The following A4GALT variants were observed in gnomAD, a reference collection of about 807,000 sequenced individuals.
The protein encoded by A4GALT is lactosylceramide 4-alpha-galactosyltransferase.
For missense variants in A4GALT, 512 were observed against 486.0 expected (o/e 1.05, Z -0.50); for synonymous variants, 257 against 220.7 (o/e 1.16, Z -1.46).
At position 42,693,412 on chromosome 22, in the gene A4GALT, G is replaced by C; in HGVS notation, c.540C>G (p.Ile180Met). ...TGCCGCCGAACTTCCACATGAGTGC[G>C]ATCCTGGAGGCGTCGGAGAGCACGG... ...LLPVLSDASR[I>M]ALMWKFGGIY... is the part of the protein sequence containing the mutation. Residue 180 changes from isoleucine (I) to methionine (M), a missense_variant, in exon 3 of 3, where the codon ATC becomes ATG. By Grantham distance (10) the Ile-to-Met change is conservative. Transcript: ENST00000642412. The C allele has an allele frequency of 3.1e-6, 5 of 1,613,372 alleles. No individual in the cohort carries two copies. In the African/African-American group the frequency reaches 6.7e-5, roughly 21 times the overall value.
At chr22:42,716,481 T>C (rs1033215074) in intron 1 of A4GALT, among the ~76,000 whole-genome samples, 1 of 152,168 alleles carries the variant, frequency 6.6e-6, no homozygotes, top group Non-Finnish European at 1.5e-5. Context: ...TGCTTTGACT[T>C]GTTCAATCCC....
chr22:42,698,911 C>T (rs1931117462), intron 1 of A4GALT, among the ~76,000 whole-genome samples: 1 of 151,598 alleles, frequency 6.6e-6, no homozygotes, highest in Non-Finnish European at 1.5e-5. Context: ...TACACTCCCA[C>T]CAGCACCGTG....
chr22:42,714,669 G>A (rs1006502374), intron 1 of A4GALT, among the ~76,000 whole-genome samples: 1 of 152,048 alleles, frequency 6.6e-6, no homozygotes, highest in African/African-American at 2.4e-5. Flanking sequence ...CTAGCCACTC[G>A]GGAGGCTGAG....
At chr22:42,717,421 T>TC (rs1191235404) in intron 1 of A4GALT, among the ~76,000 whole-genome samples, 1 of 151,918 alleles carries the variant, frequency 6.6e-6, no homozygotes, top group Non-Finnish European at 1.5e-5. Context: ...ACTGGGGCCC[T>TC]CCCCTCCGCT....
intron 1 of A4GALT, among the ~76,000 whole-genome samples, chr22:42,699,382 G>A (rs1415648465): frequency 6.6e-6 from 1 of 152,174 alleles, no homozygotes; most frequent in Non-Finnish European, 1.5e-5. Flanking sequence ...ACTGCGCCCG[G>A]CTCCTTTACA....
chr22:42,698,644 C>T (rs926995090), intron 1 of A4GALT, among the ~76,000 whole-genome samples: 6 of 152,152 alleles, frequency 3.9e-5, no homozygotes, highest in Admixed American at 6.6e-5. Context: ...ACAGAGGCCC[C>T]GAGAGGCAAA....
At chr22:42,707,371 C>T (rs1921239792) in intron 1 of A4GALT, among the ~76,000 whole-genome samples, 1 of 151,960 alleles carries the variant, frequency 6.6e-6, no homozygotes. Flanking sequence ...AATAAAAACA[C>T]CAGGCTGGGC....
Position 42,693,332 on chromosome 22 carries a change from A to C in A4GALT, c.620T>G (p.Val207Gly), listed in dbSNP as rs779713387. The C allele has an allele frequency of 1.4e-4, 224 of 1,613,080 alleles. No individual in the cohort carries two copies. The highest frequency in any genetic ancestry group is 1.8e-4 in the Non-Finnish European group (213 of 1,180,002). ...GACGTAGCGGGACTGGGTGCCCAGC[A>C]CGTTGGTCAGGTTCCGCAGGTTCTT... is the stretch of plus-strand genomic sequence containing the variant. ...VLKNLRNLTN[V>G]LGTQSRYVLN... is the part of the protein sequence containing the mutation. Residue 207 changes from valine to glycine, a missense_variant, in exon 3 of 3, where the codon GTG (valine) becomes GGG (glycine). Physicochemically the swap from Val to Gly is moderately radical, Grantham distance 109. Transcript: ENST00000642412.
chr22:42,700,149 C>T (rs565516929), intron 1 of A4GALT, among the ~76,000 whole-genome samples: 94 of 152,252 alleles, frequency 6.2e-4, no homozygotes, highest in Non-Finnish European at 1.1e-3. Flanking sequence ...CCAGATGGGG[C>T]CACCGCGCCC....
chr22:42,696,865 C>T (rs1930972434), intron 1 of A4GALT, among the ~76,000 whole-genome samples: 1 of 151,406 alleles, frequency 6.6e-6, no homozygotes, highest in Non-Finnish European at 1.5e-5. Flanking sequence ...AGGGCCTTGG[C>T]ACCTGCTGTT....
chr22:42,699,888 G>T lies in A4GALT; in HGVS notation c.-187-4257C>A, dbSNP rs550691884. Reference sequence around the variant, plus strand: ...AGCAGATGGCCCCCAGTGTGGGTGGGCCCCCAACCCTGAGTAGAAGGAAAG... The same window carrying T: ...AGCAGATGGCCCCCAGTGTGGGTGGTCCCCCAACCCTGAGTAGAAGGAAAG... On this transcript the variant is annotated intron_variant, in intron 1 of 2. Coordinates refer to ENST00000642412, the MANE Select transcript of A4GALT (RefSeq NM_017436.7). Among the ~76,000 whole-genome samples, 5 of 152,280 alleles carry T rather than the reference G, an allele frequency of 3.3e-5. No homozygotes were observed. In the South Asian group the frequency reaches 1.0e-3, roughly 32 times the overall value.
chr22:42,714,198 C>T (rs1337192375), intron 1 of A4GALT, among the ~76,000 whole-genome samples: 1 of 142,610 alleles, frequency 7.0e-6, no homozygotes, highest in Admixed American at 7.7e-5. Flanking sequence ...CTGCGTGAGC[C>T]CAGAAGGCTG....
chr22:42,696,421 A>G (rs982580124), intron 1 of A4GALT, among the ~76,000 whole-genome samples: 1 of 139,654 alleles, frequency 7.2e-6, no homozygotes, highest in Non-Finnish European at 1.5e-5. Flanking sequence ...ACTCAGTTTC[A>G]AAAAGGAAAA....
chr22:42,713,662 A>C (rs1235042636), intron 1 of A4GALT, among the ~76,000 whole-genome samples: 1 of 151,994 alleles, frequency 6.6e-6, no homozygotes, highest in African/African-American at 2.4e-5. Context: ...AAATACAAAA[A>C]TTAGCCAGGC....
Position 42,719,307 on chromosome 22 carries a change from T to G in A4GALT, c.-188+1490A>C, listed in dbSNP as rs561654219. Reference sequence around the variant, plus strand: ...TTAGAAAAATGTTTGAGAGAAAAACTAATGACAACATTGGGTGTAGTGGTG... The same window carrying G: ...TTAGAAAAATGTTTGAGAGAAAAACGAATGACAACATTGGGTGTAGTGGTG... On this transcript the variant is annotated intron_variant, in intron 1 of 2. Coordinates refer to ENST00000642412, the MANE Select transcript of A4GALT (RefSeq NM_017436.7). 2.2e-4 allele frequency among the ~76,000 whole-genome samples: 34 copies of G among 152,248 alleles called. No homozygotes were observed. In the East Asian group the frequency reaches 6.4e-3, roughly 29 times the overall value.
intron 1 of A4GALT, among the ~76,000 whole-genome samples, chr22:42,706,373 A>AAAG (rs1483097757): frequency 1.3e-4 from 19 of 151,208 alleles, no homozygotes; most frequent in African/African-American, 4.6e-4. Flanking sequence ...AAAAAAAAAA[A>AAAG]AAAAGTTTCA....
chr22:42,699,293 C>A (rs935990753), intron 1 of A4GALT, among the ~76,000 whole-genome samples: 6 of 152,136 alleles, frequency 3.9e-5, no homozygotes, highest in African/African-American at 1.4e-4. Flanking sequence ...CCAAGTTTGC[C>A]AAGCTAGTCT....
rs1034139444 is a variant in A4GALT, at chr22:42,693,589, G to A, written c.363C>T (p.Asn121=). ...LVLMKGLPGG[N]ASLPRHLGIS... is the part of the protein sequence containing the mutation. ...TGCCCAGGTGCCGGGGCAGAGAGGC[G>A]TTGCCACCCGGAAGCCCTTTCATCA... The change falls in exon 3 of 3, where the codon AAC becomes AAT. Residue 121 remains asparagine, a synonymous_variant. Coordinates refer to ENST00000642412, the MANE Select transcript of A4GALT (RefSeq NM_017436.7). The A allele has an allele frequency of 9.3e-6, 15 of 1,613,570 alleles. No individual in the cohort carries two copies. The highest frequency in any genetic ancestry group is 1.6e-4 in the Middle Eastern group (1 of 6,084).
chr22:42,707,592 G>A (rs1055246212), intron 1 of A4GALT, among the ~76,000 whole-genome samples: 1 of 152,046 alleles, frequency 6.6e-6, no homozygotes, highest in African/African-American at 2.4e-5. Flanking sequence ...GGAGGCAGAG[G>A]TTGCAGTGAG....
Sources: gnomAD v4.1 joint callset for allele counts (sites outside exome capture counted in the v4.1 genomes callset) on GRCh38, gnomAD v4.1.1 for gene constraint, MANE v1.5 for transcripts, NCBI Gene and HGNC (gene_info 2026-07-23, HGNC 2026-07-21) for gene names.